The following PTGER3 variants were observed in gnomAD, a reference collection of about 807,000 sequenced individuals.
The protein encoded by PTGER3 is prostaglandin E receptor 3.
Under a neutral mutation model 34.7 loss-of-function variants are expected in PTGER3, and 22 were observed. That is an observed-to-expected ratio of 0.63 (90% confidence interval 0.45 to 0.91). PTGER3 has a LOEUF of 0.91. PTGER3 is among the 40% of genes least tolerant of loss of function. The pLI is 0.00. For missense variants in PTGER3, 468 were observed against 519.4 expected (o/e 0.90, Z 0.96); for synonymous variants, 241 against 230.1 (o/e 1.05, Z -0.43).
intron 4 of PTGER3, among the ~76,000 whole-genome samples, chr1:70,873,707 G>A (rs1432171421): frequency 6.6e-6 from 1 of 150,904 alleles, no homozygotes; most frequent in East Asian, 1.9e-4. Flanking sequence ...GAGTGCAATG[G>A]CACTATCTCG....
At chr1:70,949,604 T>C (rs1650552240), downstream of PTGER3, among the ~76,000 whole-genome samples, 1 of 152,152 alleles carries the variant, frequency 6.6e-6, no homozygotes, top group African/African-American at 2.4e-5. Flanking sequence ...CATCATTAAC[T>C]ACAAAGAAAA....
intron 1 of PTGER3, among the ~76,000 whole-genome samples, chr1:71,031,936 C>G (rs1415942088): frequency 6.6e-6 from 1 of 152,170 alleles, no homozygotes; most frequent in Non-Finnish European, 1.5e-5. Flanking sequence ...TCCCTAATGT[C>G]TTTTATAGAG....
chr1:70,872,847 A>G (rs1242627588), intron 4 of PTGER3, among the ~76,000 whole-genome samples: 1 of 152,178 alleles, frequency 6.6e-6, no homozygotes, highest in Non-Finnish European at 1.5e-5. Flanking sequence ...TCTGAGATGT[A>G]GTCATTGGTC....
At chr1:71,008,231 T>C (rs1657136737) in intron 2 of PTGER3, 1 of 934,778 alleles carries the variant, frequency 1.1e-6, no homozygotes, top group Admixed American at 6.2e-5. Context: ...GCTTATTACA[T>C]GAAACTGATT....
chr1:71,026,202 C>T (rs1044332753), intron 1 of PTGER3, among the ~76,000 whole-genome samples: 1 of 152,178 alleles, frequency 6.6e-6, no homozygotes, highest in Non-Finnish European at 1.5e-5. Context: ...GCTTTCTTTA[C>T]AGCTAACTCT....
intron 4 of PTGER3, among the ~76,000 whole-genome samples, chr1:70,921,144 A>G (rs1056668751): frequency 3.9e-5 from 6 of 152,200 alleles, no homozygotes; most frequent in Non-Finnish European, 2.9e-5. Flanking sequence ...ATTATGTTGT[A>G]CATACTATTC....
chr1:70,928,776 A>G (rs577748039), intron 4 of PTGER3, among the ~76,000 whole-genome samples: 17 of 152,132 alleles, frequency 1.1e-4, no homozygotes, highest in South Asian at 6.2e-4. Context: ...TTCATTACTG[A>G]TAATTATAAT....
intron 1 of PTGER3, among the ~76,000 whole-genome samples, chr1:71,040,032 T>A (rs1660164568): frequency 6.7e-6 from 1 of 149,276 alleles, no homozygotes; most frequent in Non-Finnish European, 1.5e-5. Flanking sequence ...GGCATTTTTG[T>A]TTCAGAAAGA....
At position 70,956,378 on chromosome 1, in the gene PTGER3, ATT is replaced by A. The variant is rs11339128; in HGVS notation, c.1078-2591_1078-2590del. Among the ~76,000 whole-genome samples the A allele has an allele frequency of 9.1e-3, 1,359 of 149,636 alleles. 23 individuals carry two copies. Among genetic ancestry groups the A allele is most frequent in the African/African-American group, 0.026 (1,046 of 40,798 alleles). The stretch of plus-strand genomic sequence containing the variant: ...ACTTTGGAAATATGCTTAAAGTTTC[ATT>A]TTTTTTTTTTCCAAAAATAGTTGCA... On this transcript the variant is annotated intron_variant, in intron 2 of 3. Coordinates refer to the PTGER3 transcript ENST00000356595.
At chr1:70,923,893 T>C (rs1452254828) in intron 4 of PTGER3, among the ~76,000 whole-genome samples, 2 of 152,190 alleles carry the variant, frequency 1.3e-5, no homozygotes, top group East Asian at 3.8e-4. Context: ...CGGGACACAA[T>C]TGGAGAAACT....
At chr1:70,990,380 CACACACAT>C (rs1464771887) in intron 2 of PTGER3, among the ~76,000 whole-genome samples, 2 of 108,112 alleles carry the variant, frequency 1.8e-5, no homozygotes, top group Non-Finnish European at 4.1e-5. Context: ...CACACACACA[CACACACAT>C]ATATATATAT....
intron 2 of PTGER3, among the ~76,000 whole-genome samples, chr1:70,982,968 A>G (rs12062835): frequency 0.057 from 8,680 of 152,236 alleles, 447 homozygotes; most frequent in African/African-American, 0.13. Flanking sequence ...TCAATTAAAA[A>G]TAAGGTAAAT....
At chr1:70,956,701 T>C (rs1651371557) in intron 2 of PTGER3, among the ~76,000 whole-genome samples, 1 of 152,056 alleles carries the variant, frequency 6.6e-6, no homozygotes, top group Non-Finnish European at 1.5e-5. Flanking sequence ...AAACTCAAGA[T>C]GAAACTTTTA....
rs1001306119 is a variant in PTGER3, at chr1:71,047,137, G to A, written c.441C>T (p.Ile147=). 1 of 1,601,322 alleles carries A rather than the reference G, an allele frequency of 6.2e-7. No homozygotes were observed. Among genetic ancestry groups the A allele is most frequent in the Non-Finnish European group, 8.5e-7 (1 of 1,174,240 alleles). Residue 147 remains isoleucine (I), a synonymous_variant, in exon 1 of 4, where the codon ATC becomes ATT. Transcript: ENST00000306666. The part of the protein sequence containing the change: ...MTVFGLSSLF[I]ASAMAVERAL... ...CCCGCTCGACGGCCATGGCGCTGGC[G>A]ATGAACAACGAGGAGAGCCCGAAAA...
chr1:70,858,544 C>T (rs535802878), intron 4 of PTGER3, among the ~76,000 whole-genome samples: 2 of 152,118 alleles, frequency 1.3e-5, no homozygotes, highest in Non-Finnish European at 2.9e-5. Context: ...AATTAGGAAA[C>T]TGATATTTAC....
chr1:70,924,579 C>T (rs895588952), intron 4 of PTGER3, among the ~76,000 whole-genome samples: 2 of 152,074 alleles, frequency 1.3e-5, no homozygotes, highest in African/African-American at 4.8e-5. Context: ...TAGCTTAGTT[C>T]CAACAGTTGC....
intron 4 of PTGER3, among the ~76,000 whole-genome samples, chr1:70,910,646 A>G (rs1462745214): frequency 1.3e-5 from 2 of 152,198 alleles, no homozygotes; most frequent in South Asian, 4.1e-4. Flanking sequence ...AAACTGTTCA[A>G]CCTAACTTTA....
chr1:70,958,966 C>T (rs532913866), intron 2 of PTGER3, among the ~76,000 whole-genome samples: 105 of 152,162 alleles, frequency 6.9e-4, no homozygotes, highest in Non-Finnish European at 1.3e-3. Flanking sequence ...TTGGCATCTT[C>T]GTCAAAAATC....
At chr1:70,903,043 C>T (rs1646874596) in intron 4 of PTGER3, among the ~76,000 whole-genome samples, 1 of 152,096 alleles carries the variant, frequency 6.6e-6, no homozygotes, top group Non-Finnish European at 1.5e-5. Flanking sequence ...GGTCCAAAAT[C>T]CAGTAACAAG....
Sources: gnomAD v4.1 joint callset for allele counts (sites outside exome capture counted in the v4.1 genomes callset) on GRCh38, gnomAD v4.1.1 for gene constraint, MANE v1.5 for transcripts, NCBI Gene and HGNC (gene_info 2026-07-23, HGNC 2026-07-21) for gene names.